TRIM37: variants seen among roughly 807,000 people sequenced by gnomAD.
The protein encoded by TRIM37 is E3 ubiquitin-protein ligase TRIM37.
Under a neutral mutation model 129.8 loss-of-function variants are expected in TRIM37, and 80 were observed. That is an observed-to-expected ratio of 0.62 (90% CI 0.51 to 0.74). The LOEUF (loss-of-function observed/expected upper bound fraction) is 0.74. Among genes scored for constraint, TRIM37 ranks in the 30% least tolerant of loss-of-function variants. The pLI, the probability that TRIM37 is intolerant of heterozygous loss-of-function variation, is 0.00. For missense variants in TRIM37, 1,054 were observed against 1,176.5 expected (o/e 0.90, Z 1.52); for synonymous variants, 389 against 387.1 (o/e 1.00, Z -0.06).
the TRIM37 span, among the ~76,000 whole-genome samples, chr17:58,973,803 T>G: frequency 1.3e-5 from 2 of 151,854 alleles, no homozygotes; most frequent in Non-Finnish European, 2.9e-5. Flanking sequence ...ATATAAAAAA[T>G]TAGCTGGGTG....
chr17:59,076,822 CTT>C lies in TRIM37; in HGVS notation c.617-1110_617-1109del, dbSNP rs532658001. ...TTATTTTTTGAGATGGGGTTTCACT[CTT>C]GTTGCCCAGGCTAGAATGCAATGGC... is the stretch of plus-strand genomic sequence containing the variant. On this transcript the variant is annotated intron_variant, in intron 7 of 23. Coordinates refer to ENST00000262294, the MANE Select transcript of TRIM37 (RefSeq NM_015294.6). 3.4e-4 allele frequency among the ~76,000 whole-genome samples: 52 copies of C among 152,098 alleles called. 1 individual carries two copies. In the East Asian group the frequency reaches 0.01, roughly 30 times the overall value.
intron 7 of TRIM37, among the ~76,000 whole-genome samples, 178 bp downstream of exon 7, chr17:59,079,576 T>A (rs926366538): frequency 2.0e-5 from 3 of 152,058 alleles, no homozygotes; most frequent in Non-Finnish European, 4.4e-5. Context: ...CTATGAAAAT[T>A]TTTCTCTCCT....
chr17:59,061,132 A>T, intron 11 of TRIM37, 24 bp from the exon 12 acceptor site: 1 of 1,603,542 alleles, frequency 6.2e-7, no homozygotes, highest in Non-Finnish European at 8.5e-7. Flanking sequence ...AATCAGTTTG[A>T]GTGTAAAAAA....
intron 17 of TRIM37, among the ~76,000 whole-genome samples, chr17:59,036,447 G>GTGTGTGTGT (rs2038497208): frequency 1.3e-4 from 18 of 140,676 alleles, no homozygotes; most frequent in African/African-American, 4.4e-4. Context: ...ATTTGCTGGG[G>GTGTGTGTGT]GTGTGTGTGT....
intron 17 of TRIM37, among the ~76,000 whole-genome samples, 175 bp downstream of exon 17, chr17:59,041,638 T>C (rs1193674117): frequency 1.3e-5 from 2 of 152,246 alleles, no homozygotes; most frequent in African/African-American, 2.4e-5. Context: ...ATGTTAGCTA[T>C]TGTTTTAAAT....
intron 19 of TRIM37, among the ~76,000 whole-genome samples, chr17:59,026,860 C>T (rs1356104208): frequency 6.6e-6 from 1 of 152,204 alleles, no homozygotes; most frequent in African/African-American, 2.4e-5. Context: ...ACAGGGGTAA[C>T]CACTCTACTT....
At chr17:59,030,145 G>A (rs2037685589) in intron 18 of TRIM37, among the ~76,000 whole-genome samples, 1 of 151,522 alleles carries the variant, frequency 6.6e-6, no homozygotes, top group South Asian at 2.1e-4. Context: ...TTCACTCGTT[G>A]CCCAGGCTGG....
the TRIM37 span, among the ~76,000 whole-genome samples, chr17:58,976,031 G>C: frequency 6.6e-6 from 1 of 152,182 alleles, no homozygotes; most frequent in Non-Finnish European, 1.5e-5. Flanking sequence ...TGGTGAAGGG[G>C]AGAAAGGAAA....
chr17:59,016,861 G>A (rs2036007138), intron 20 of TRIM37, among the ~76,000 whole-genome samples: 1 of 151,848 alleles, frequency 6.6e-6, no homozygotes, highest in African/African-American at 2.4e-5. Flanking sequence ...TTTTGTTAAG[G>A]GTCTGTTCTG....
At chr17:59,024,872 T>C (rs2037055593) in intron 19 of TRIM37, among the ~76,000 whole-genome samples, 1 of 152,104 alleles carries the variant, frequency 6.6e-6, no homozygotes, top group Admixed American at 6.6e-5. Context: ...TCAAAATACT[T>C]TGGAGGAGGA....
chr17:59,077,267 C>CTTT (rs757122066), intron 7 of TRIM37, among the ~76,000 whole-genome samples: 8 of 124,460 alleles, frequency 6.4e-5, no homozygotes, highest in African/African-American at 2.4e-4. Flanking sequence ...GCTAATTTTT[C>CTTT]TTTTTTTTTT....
intron 21 of TRIM37, among the ~76,000 whole-genome samples, chr17:59,014,597 G>T (rs2145024887): frequency 6.6e-6 from 1 of 151,700 alleles, no homozygotes; most frequent in South Asian, 2.1e-4. Flanking sequence ...TGAGATAAAA[G>T]CAGAAAAGCA....
chr17:58,969,832 T>C, the TRIM37 span: 2 of 1,057,586 alleles, frequency 1.9e-6, no homozygotes, highest in Admixed American at 5.1e-5. Context: ...GGGCAGACAT[T>C]ATCCAAACTG....
Position 59,088,424 on chromosome 17 carries a change from T to C in TRIM37, c.165-17A>G. 2 of 1,319,398 alleles carry C rather than the reference T, an allele frequency of 1.5e-6. No individual in the cohort carries two copies. Among genetic ancestry groups the C allele is most frequent in the East Asian group, 2.3e-5 (1 of 43,506 alleles). The allele number at this position is 1,319,398 out of a possible 1,614,324, so 81.7% of individuals were successfully genotyped here. On this transcript the variant is annotated splice_polypyrimidine_tract_variant and intron_variant, in intron 3 of 23. Transcript: ENST00000262294. ...AGTGGAGCACTGGGGAGAAAATCCA[T>C]ACACATACACTAATTCAGGAATTTG...
rs374928229 is a variant in TRIM37 at position 59,057,069 on chromosome 17, C to G, written c.1020-15G>C. On this transcript the variant is annotated splice_polypyrimidine_tract_variant and intron_variant, in intron 12 of 23. Transcript: ENST00000262294. The stretch of plus-strand genomic sequence containing the variant: ...GATATTCATATCTAAAATTGAAAAA[C>G]AGACCATTACTATACAGTTAGTAAA... 2.8e-5 allele frequency: 45 copies of G among 1,610,138 alleles called. No homozygotes were observed. The African/African-American group carries it at 6.0e-4, about 22-fold the overall frequency.
chr17:59,082,252 C>G (rs2043365089), intron 5 of TRIM37, among the ~76,000 whole-genome samples: 1 of 152,082 alleles, frequency 6.6e-6, no homozygotes, highest in Non-Finnish European at 1.5e-5. Flanking sequence ...GCCTGGGTGA[C>G]AGAGTGAGAC....
At chr17:59,034,362 T>C (rs1404951797) in intron 17 of TRIM37, among the ~76,000 whole-genome samples, 1 of 152,102 alleles carries the variant, frequency 6.6e-6, no homozygotes, top group Non-Finnish European at 1.5e-5. Flanking sequence ...GCTTTTTTTT[T>C]TAATGTGGGT....
intron 4 of TRIM37, among the ~76,000 whole-genome samples, chr17:59,084,799 G>A (rs2043609463): frequency 1.3e-5 from 2 of 152,148 alleles, no homozygotes; most frequent in East Asian, 1.9e-4. Flanking sequence ...AGGCATGCAC[G>A]TGCACATAGC....
At chr17:59,053,437 T>C (rs761758303) in intron 13 of TRIM37, among the ~76,000 whole-genome samples, 34 of 152,210 alleles carry the variant, frequency 2.2e-4, no homozygotes, top group Non-Finnish European at 4.3e-4. Flanking sequence ...TATTTTATAA[T>C]AAGAGAGTAG....
Sources: gnomAD v4.1 joint callset for allele counts (sites outside exome capture counted in the v4.1 genomes callset) on GRCh38, gnomAD v4.1.1 for gene constraint, MANE v1.5 for transcripts, NCBI Gene and HGNC (gene_info 2026-07-23, HGNC 2026-07-21) for gene names.